INPP4B: variants seen among roughly 807,000 people sequenced by gnomAD.
INPP4B encodes the protein inositol polyphosphate 4-phosphatase type II.
In INPP4B, 55 loss-of-function variants were observed where a neutral mutation model predicts 122.5. The observed-to-expected ratio is 0.45, with a 90% CI of 0.36 to 0.56. The LOEUF is 0.56. INPP4B is among the 20% of genes least tolerant of loss of function. The probability of loss-of-function intolerance (pLI) is 0.00; values close to 1 mark genes in which losing one functional copy is unlikely to be tolerated. For synonymous variants in INPP4B, 403 were observed against 388.7 expected (o/e 1.04, Z -0.43); for missense variants, 1,000 against 1,097.7 (o/e 0.91, Z 1.26).
intron 1 of INPP4B, among the ~76,000 whole-genome samples, chr4:142,813,786 C>G (rs918795008): frequency 6.6e-6 from 1 of 152,138 alleles, no homozygotes; most frequent in African/African-American, 2.4e-5. Flanking sequence ...GATGTAACCT[C>G]TTATCTCTCC....
intron 7 of INPP4B, among the ~76,000 whole-genome samples, chr4:142,360,255 G>C (rs1251790727): frequency 6.6e-6 from 1 of 151,844 alleles, no homozygotes. Flanking sequence ...CTATCTATAA[G>C]GGTAAATGAG....
chr4:142,311,872 G>C (rs1187846725), intron 8 of INPP4B, among the ~76,000 whole-genome samples: 1 of 152,122 alleles, frequency 6.6e-6, no homozygotes, highest in Non-Finnish European at 1.5e-5. Flanking sequence ...GGGGTACCAT[G>C]GCCAGTTTGT....
chr4:142,183,513 T>C (rs1020625133), intron 15 of INPP4B, among the ~76,000 whole-genome samples: 7 of 152,138 alleles, frequency 4.6e-5, no homozygotes, highest in Non-Finnish European at 7.3e-5. Context: ...CTTTCAAAGC[T>C]CTGAAAAATA....
intron 23 of INPP4B, among the ~76,000 whole-genome samples, chr4:142,088,290 A>T (rs182855424): frequency 6.6e-6 from 1 of 152,376 alleles, no homozygotes; most frequent in Admixed American, 6.5e-5. Flanking sequence ...TAATCATGGC[A>T]TGCAAGAAAT....
At chr4:142,126,467 C>T (rs1241062345) in intron 18 of INPP4B, among the ~76,000 whole-genome samples, 1 of 151,954 alleles carries the variant, frequency 6.6e-6, no homozygotes, top group South Asian at 2.1e-4. Flanking sequence ...TAATTAATGG[C>T]CCCAACATAA....
chr4:142,106,727 C>T (rs1194414835), intron 23 of INPP4B, among the ~76,000 whole-genome samples: 1 of 152,096 alleles, frequency 6.6e-6, no homozygotes, highest in East Asian at 1.9e-4. Context: ...ACCTCAAAGG[C>T]CTATTAAAAC....
intron 11 of INPP4B, among the ~76,000 whole-genome samples, chr4:142,255,032 A>C (rs1293681370): frequency 1.3e-5 from 2 of 152,208 alleles, no homozygotes; most frequent in Non-Finnish European, 2.9e-5. Flanking sequence ...AAGCCAGAAG[A>C]GAGTGGGGGC....
intron 3 of INPP4B, among the ~76,000 whole-genome samples, chr4:142,444,357 CAG>C (rs1271036459): frequency 2.0e-5 from 3 of 152,044 alleles, no homozygotes; most frequent in Admixed American, 1.3e-4. Flanking sequence ...AGGATATGAA[CAG>C]AGACTTCTCA....
intron 25 of INPP4B, among the ~76,000 whole-genome samples, chr4:142,075,951 T>C (rs764920113): frequency 8.4e-4 from 128 of 152,078 alleles, no homozygotes; most frequent in Non-Finnish European, 4.9e-4. Context: ...TTCATTTCCA[T>C]TGTATTATTT....
intron 25 of INPP4B, among the ~76,000 whole-genome samples, chr4:142,035,604 C>T (rs1368837094): frequency 6.6e-6 from 1 of 152,092 alleles, no homozygotes; most frequent in Non-Finnish European, 1.5e-5. Flanking sequence ...TTGATCTTAC[C>T]AGCAGCAATT....
At chr4:142,068,165 G>T (rs1483030981) in intron 25 of INPP4B, among the ~76,000 whole-genome samples, 3 of 152,150 alleles carry the variant, frequency 2.0e-5, no homozygotes, top group African/African-American at 7.2e-5. Context: ...GAAGAGAGTG[G>T]GGGCCAATAT....
intron 25 of INPP4B, among the ~76,000 whole-genome samples, chr4:142,031,680 C>T (rs1025162934): frequency 1.6e-4 from 25 of 152,088 alleles, no homozygotes; most frequent in Admixed American, 1.5e-3. Context: ...TTCCAGCACA[C>T]CAGGTAGAAA....
intron 1 of INPP4B, among the ~76,000 whole-genome samples, chr4:142,728,094 T>G (rs1218439353): frequency 1.3e-5 from 2 of 152,200 alleles, no homozygotes; most frequent in African/African-American, 4.8e-5. Flanking sequence ...CCACTCACAG[T>G]GCCCATTGGG....
chr4:142,818,440 ACG>A lies in INPP4B; in HGVS notation c.-254+27767_-254+27768del, dbSNP rs1491170737. Among the ~76,000 whole-genome samples, 1,088 of 127,624 alleles carry A rather than the reference ACG, an allele frequency of 8.5e-3. 11 individuals carry two copies. The highest frequency in any genetic ancestry group is 0.026 in the African/African-American group (813 of 31,016). 83.7% of individuals were successfully genotyped at this position (127,624 alleles called of 152,430 possible). A position where few individuals can be genotyped will look rare whatever the true frequency, so the allele number is the denominator to read the frequency against. On this transcript the variant is annotated intron_variant, in intron 1 of 25. Transcript: ENST00000262992. ...TCTACAAAAAAGGAAGGCAATTTAA[ACG>A]TGTGTGTGTGTGTGTGTGTATTTCC... is the stretch of plus-strand genomic sequence containing the variant.
intron 2 of INPP4B, chr4:142,660,761 G>T (rs759448722): frequency 2.0e-5 from 3 of 152,064 alleles, no homozygotes; most frequent in Non-Finnish European, 4.4e-5. Flanking sequence ...TAATAATTGG[G>T]TTTGTCTGTT....
At chr4:142,531,512 G>C (rs1481125393) in intron 2 of INPP4B, among the ~76,000 whole-genome samples, 1 of 151,452 alleles carries the variant, frequency 6.6e-6, no homozygotes, top group East Asian at 1.9e-4. Context: ...GCCACATGTA[G>C]CTGCCTGTGG....
intron 2 of INPP4B, among the ~76,000 whole-genome samples, chr4:142,636,303 A>G (rs1749150729): frequency 6.6e-6 from 1 of 152,176 alleles, no homozygotes; most frequent in African/African-American, 2.4e-5. Context: ...CTAATACAGA[A>G]GGTAATATTT....
rs540456161 is a variant in INPP4B at position 142,569,226 on chromosome 4, G to A, written c.-190-106500C>T. Among the ~76,000 whole-genome samples, 466 of 149,986 alleles carry A rather than the reference G, an allele frequency of 3.1e-3. 1 individual carries two copies. Among genetic ancestry groups the A allele is most frequent in the Non-Finnish European group, 4.9e-3 (333 of 67,634 alleles). ...ATAATATAAAAATATCACATTATTG[G>A]AAACCAGTACACAAAAATGAAAAGC... On this transcript the variant is annotated intron_variant, in intron 2 of 25. Transcript: ENST00000262992.
intron 2 of INPP4B, among the ~76,000 whole-genome samples, chr4:142,707,326 C>CT (rs775878583): frequency 3.0e-4 from 45 of 152,304 alleles, no homozygotes; most frequent in Admixed American, 5.2e-4. Flanking sequence ...ATGCTCCCAC[C>CT]TTTTTTCCTA....
Sources: allele counts gnomAD v4.1 joint callset (sites outside exome capture counted in the v4.1 genomes callset), GRCh38; gene constraint gnomAD v4.1.1; transcripts MANE v1.5; gene names NCBI Gene and HGNC (gene_info 2026-07-23, HGNC 2026-07-21).